Variants in NLGN1 observed in about 807,000 individuals in gnomAD.
NLGN1 encodes neuroligin-1.
NLGN1 carries 12 observed loss-of-function variants against 65.5 expected under a neutral mutation model. That is an observed-to-expected ratio of 0.18 (90% CI 0.12 to 0.30). The LOEUF is 0.30. NLGN1 is among the 10% of genes least tolerant of loss of function. The pLI is 1.00. For missense variants in NLGN1, 750 were observed against 1,007.1 expected, an observed-to-expected ratio of 0.74 and a Z score of 3.46; for synonymous variants, 350 against 359.5, an observed-to-expected ratio of 0.97 and a Z score of 0.30.
intron 4 of NLGN1, among the ~76,000 whole-genome samples, chr3:174,023,513 G>T (rs1728190867): frequency 2.0e-5 from 3 of 152,090 alleles, no homozygotes; most frequent in Admixed American, 2.0e-4. Context: ...AAAATCTCAA[G>T]GGGATTAATT....
chr3:173,570,679 G>A (rs186176261), intron 2 of NLGN1, among the ~76,000 whole-genome samples: 12 of 152,080 alleles, frequency 7.9e-5, no homozygotes, highest in East Asian at 1.9e-4. Flanking sequence ...TTTTGTTTTC[G>A]CCTGAATTAT....
At chr3:174,210,355 T>G (rs1265632289) in intron 4 of NLGN1, among the ~76,000 whole-genome samples, 1 of 152,224 alleles carries the variant, frequency 6.6e-6, no homozygotes, top group African/African-American at 2.4e-5. Context: ...CTGGTGTAGT[T>G]CCAGCACCTT....
chr3:173,467,738 T>C (rs531549494), intron 2 of NLGN1, among the ~76,000 whole-genome samples: 7 of 152,270 alleles, frequency 4.6e-5, no homozygotes, highest in South Asian at 2.1e-4. Context: ...TAGGTCAAAG[T>C]TGAGGCTTAA....
intron 4 of NLGN1, among the ~76,000 whole-genome samples, chr3:174,188,694 C>T (rs1449611379): frequency 6.6e-6 from 1 of 151,942 alleles, no homozygotes; most frequent in Non-Finnish European, 1.5e-5. Context: ...ATAAACTCAC[C>T]CTTTTTTTCC....
Position 173,865,051 on chromosome 3 carries a change from T to G in NLGN1, c.646+57219T>G, listed in dbSNP as rs79739021. 9.3e-4 allele frequency among the ~76,000 whole-genome samples: 142 copies of G among 152,310 alleles called. 3 individuals carry two copies. In the East Asian group the frequency reaches 0.025, roughly 26 times the overall value. ...AAATATTTCTGATTGGACTGTCAAC[T>G]TAATGGTGTGGTGGTCTGGTACTAA... On this transcript the variant is annotated intron_variant, in intron 4 of 6. Coordinates refer to ENST00000457714, the Ensembl canonical transcript of NLGN1.
At chr3:173,646,375 T>C (rs1250876893) in intron 3 of NLGN1, among the ~76,000 whole-genome samples, 1 of 152,224 alleles carries the variant, frequency 6.6e-6, no homozygotes, top group African/African-American at 2.4e-5. Context: ...GCCTCACGAA[T>C]TAAGAGTTCA....
intron 2 of NLGN1, among the ~76,000 whole-genome samples, chr3:173,436,365 C>T (rs1718137724): frequency 6.6e-6 from 1 of 152,122 alleles, no homozygotes; most frequent in Non-Finnish European, 1.5e-5. Context: ...TGGTTAGTGG[C>T]TCCCATTCTT....
intron 3 of NLGN1, among the ~76,000 whole-genome samples, chr3:173,761,507 G>A (rs1266237620): frequency 6.6e-6 from 1 of 152,068 alleles, no homozygotes; most frequent in East Asian, 1.9e-4. Flanking sequence ...AGATTCTGAT[G>A]AGGCGGGTAG....
At chr3:173,519,920 A>T (rs1436049853) in intron 2 of NLGN1, among the ~76,000 whole-genome samples, 2 of 152,154 alleles carry the variant, frequency 1.3e-5, no homozygotes, top group African/African-American at 2.4e-5. Context: ...ACCAAATCTC[A>T]TGCCAAATTG....
Position 173,807,848 on chromosome 3 carries a change from C to G in NLGN1, c.646+16C>G, listed in dbSNP as rs1350428585. The stretch of plus-strand genomic sequence containing the variant: ...GGAGTACTCGGTAAGAAGAGTCTCT[C>G]TTTTGTTTTCACCATGAATCCATGA... On this transcript the variant is annotated intron_variant, in intron 4 of 6. Transcript: ENST00000457714. 6.2e-7 allele frequency: 1 copy of G among 1,608,946 alleles called. No homozygotes were observed. Among genetic ancestry groups the G allele is most frequent in the Admixed American group, 1.7e-5 (1 of 59,982 alleles).
At chr3:174,158,025 A>T (rs1466671054) in intron 4 of NLGN1, among the ~76,000 whole-genome samples, 2 of 151,744 alleles carry the variant, frequency 1.3e-5, no homozygotes, top group Non-Finnish European at 2.9e-5. Context: ...CCCTTCTATT[A>T]TGGAGCTTCT....
intron 3 of NLGN1, among the ~76,000 whole-genome samples, chr3:173,733,991 T>TA (rs1773301345): frequency 6.6e-6 from 1 of 152,042 alleles, no homozygotes; most frequent in Admixed American, 6.6e-5. Flanking sequence ...TGACAAAAGA[T>TA]ATAATATTAC....
chr3:174,129,354 A>AAC (rs61122760), intron 4 of NLGN1, among the ~76,000 whole-genome samples: 19,533 of 116,486 alleles, frequency 0.17, 1,775 homozygotes, highest in East Asian at 0.28. Context: ...CCCGGTTTAC[A>AAC]ACACACACAC....
chr3:173,719,083 C>A (rs1770367144), intron 3 of NLGN1, among the ~76,000 whole-genome samples: 1 of 152,100 alleles, frequency 6.6e-6, no homozygotes. Flanking sequence ...CATATTGATC[C>A]ATTGTTTCCT....
chr3:174,119,722 C>T (rs528000942), intron 4 of NLGN1, among the ~76,000 whole-genome samples: 2 of 152,288 alleles, frequency 1.3e-5, no homozygotes, highest in South Asian at 4.1e-4. Context: ...GCCTGGGACC[C>T]ATCACTTTAA....
intron 2 of NLGN1, among the ~76,000 whole-genome samples, chr3:173,567,566 ACTTT>A (rs1244179102): frequency 6.6e-5 from 10 of 151,680 alleles, no homozygotes; most frequent in Non-Finnish European, 1.3e-4. Context: ...AATTTTGAAT[ACTTT>A]CTTCACTTAA....
chr3:173,993,078 A>G (rs775680736), intron 4 of NLGN1, among the ~76,000 whole-genome samples: 4 of 152,186 alleles, frequency 2.6e-5, no homozygotes, highest in Non-Finnish European at 5.9e-5. Flanking sequence ...AAAATATGTA[A>G]ATAAATAGAA....
At chr3:173,867,480 G>A (rs1033336224) in intron 4 of NLGN1, among the ~76,000 whole-genome samples, 23 of 152,048 alleles carry the variant, frequency 1.5e-4, no homozygotes, top group Non-Finnish European at 2.1e-4. Flanking sequence ...GAGCTTTAGA[G>A]TAGTTACTTT....
intron 4 of NLGN1, among the ~76,000 whole-genome samples, chr3:174,141,211 A>T (rs561058512): frequency 1.6e-4 from 25 of 152,174 alleles, no homozygotes; most frequent in South Asian, 4.1e-4. Context: ...ACTTTTTTTT[A>T]AAATGCAAGC....
Sources: gnomAD v4.1 joint callset for allele counts (sites outside exome capture counted in the v4.1 genomes callset) on GRCh38, gnomAD v4.1.1 for gene constraint, MANE v1.5 for transcripts, NCBI Gene and HGNC (gene_info 2026-07-23, HGNC 2026-07-21) for gene names.